GAN: variants seen among roughly 807,000 people sequenced by gnomAD.
GAN encodes gigaxonin.
GAN carries 48 observed loss-of-function variants against 71.3 expected under a neutral mutation model. The observed-to-expected ratio is 0.67, with a 90% CI of 0.53 to 0.86. GAN has a LOEUF of 0.86. GAN is among the 40% of genes least tolerant of loss of function. The probability of loss-of-function intolerance (pLI) is 0.00; values close to 1 mark genes in which losing one functional copy is unlikely to be tolerated. For missense variants in GAN, 928 were observed against 770.1 expected (o/e 1.21, Z -2.43); for synonymous variants, 386 against 276.8 (o/e 1.39, Z -3.92).
rs142893233 is a variant in GAN at position 81,356,600 on chromosome 16, A to C, written c.634-185A>C. On this transcript the variant is annotated intron_variant, in intron 3 of 10. Transcript: ENST00000648994. Reference sequence around the variant, plus strand: ...TTAAAAATTAAACTTTTACTTATCAAGACTCTGGGAAGTAGACAGTTAGGG... The same window carrying C: ...TTAAAAATTAAACTTTTACTTATCACGACTCTGGGAAGTAGACAGTTAGGG... Among the ~76,000 whole-genome samples the C allele has an allele frequency of 2.0e-5, 3 of 152,338 alleles. No homozygotes were observed. In the East Asian group the frequency reaches 5.8e-4, roughly 29 times the overall value.
Position 81,377,242 on chromosome 16 carries a change from A to G in GAN, c.1526A>G (p.Asn509Ser), listed in dbSNP as rs1904284533. 3 of 1,610,266 alleles carry G rather than the reference A, an allele frequency of 1.9e-6. No homozygotes were observed. Among genetic ancestry groups the G allele is most frequent in the East Asian group, 4.5e-5 (2 of 44,854 alleles). Residue 509 changes from asparagine (N) to serine (S), a missense_variant, in exon 10 of 11, where the codon AAT becomes AGT. By Grantham distance (46) the Asn-to-Ser change is conservative. Transcript: ENST00000648994. Reference protein sequence around the residue: ...FKRWIYLNDQNLCIPASSSFV... With the variant: ...FKRWIYLNDQSLCIPASSSFV... ...AGGTGGATCTATCTTAACGACCAGAATTTATGCATCCCCGCCAGTTCCTCT... is the reference window on the plus strand; with the variant it reads ...AGGTGGATCTATCTTAACGACCAGAGTTTATGCATCCCCGCCAGTTCCTCT...
rs1042421435 is a variant in GAN, at chr16:81,384,347, G to A, written c.*6751G>A. ...GAAAAAAAAGCACTTACAACCAGGA[G>A]GAATAATAATTCTCCTAGAGTTGCT... On this transcript the variant is annotated 3_prime_UTR_variant, in exon 11 of 11. Coordinates refer to ENST00000648994, the MANE Select transcript of GAN (RefSeq NM_022041.4). 2.0e-5 allele frequency: 3 copies of A among 151,050 alleles called. No homozygotes were observed. The highest frequency in any genetic ancestry group is 7.3e-5 in the African/African-American group (3 of 41,162). 9.4% of individuals were successfully genotyped at this position (151,050 alleles called of 1,614,324 possible).
intron 2 of GAN, among the ~76,000 whole-genome samples, chr16:81,351,932 A>G (rs1304052014): frequency 6.6e-6 from 1 of 152,148 alleles, no homozygotes; most frequent in Non-Finnish European, 1.5e-5. Context: ...GTTTGTTGCT[A>G]CCATTCTGAG....
rs547181243 is a variant in GAN, at chr16:81,352,697, T to TTTTGG, written c.282+1005_282+1009dup. ...CAGTGATTCTCATCCTTTTTGAAGGTTTTGGTTTGATTTCATGCTTTCTCT... is the reference window on the plus strand; with the variant it reads ...CAGTGATTCTCATCCTTTTTGAAGGTTTTGGTTTGGTTTGATTTCATGCTTTCTCT... On this transcript the variant is annotated intron_variant, in intron 2 of 10. Coordinates refer to ENST00000648994, the MANE Select transcript of GAN (RefSeq NM_022041.4). Among the ~76,000 whole-genome samples, 151 of 152,268 alleles carry TTTTGG rather than the reference T, an allele frequency of 9.9e-4. 1 individual carries two copies. Among genetic ancestry groups the TTTTGG allele is most frequent in the Non-Finnish European group, 1.5e-3 (104 of 68,014 alleles).
rs1219739275 is a variant in GAN, at chr16:81,382,935, A to T, written c.*5339A>T. On this transcript the variant is annotated 3_prime_UTR_variant, in exon 11 of 11. Transcript: ENST00000648994. ...TCATACTTCCAGATGGTTTGGTCTA[A>T]TGTATACAGTTTAGGAAAGTTTATT... 6.6e-6 allele frequency: 1 copy of T among 152,002 alleles called. No individual in the cohort carries two copies. The highest frequency in any genetic ancestry group is 1.9e-4 in the East Asian group (1 of 5,200). The allele number at this position is 152,002 out of a possible 1,614,324, so 9.4% of individuals were successfully genotyped here. A position where few individuals can be genotyped will look rare whatever the true frequency, so the allele number is the denominator to read the frequency against.
intron 1 of GAN, among the ~76,000 whole-genome samples, chr16:81,317,854 A>G (rs1342378007): frequency 2.0e-5 from 3 of 152,154 alleles, no homozygotes; most frequent in African/African-American, 7.2e-5. Flanking sequence ...TCATCTTTAA[A>G]GAGAAGGCAG....
At chr16:81,342,260 A>G (rs894651308) in intron 1 of GAN, among the ~76,000 whole-genome samples, 1 of 152,208 alleles carries the variant, frequency 6.6e-6, no homozygotes, top group Admixed American at 6.5e-5. Flanking sequence ...CAGAACTTGA[A>G]CTCAGCTCTG....
At position 81,390,180 on chromosome 16, in the gene GAN, T is replaced by C. The variant is rs901557427; in HGVS notation, c.*12584T>C. The C allele has an allele frequency of 3.9e-4, 60 of 152,150 alleles. No individual in the cohort carries two copies. Among genetic ancestry groups the C allele is most frequent in the African/African-American group, 1.4e-3 (57 of 41,440 alleles). The allele number at this position is 152,150 out of a possible 1,614,324, so 9.4% of individuals were successfully genotyped here. A position where few individuals can be genotyped will look rare whatever the true frequency, so the allele number is the denominator to read the frequency against. The stretch of plus-strand genomic sequence containing the variant: ...AGGCAGGTTTAGAAAGTTCAAAATA[T>C]TGGAAGTGCTAGAAGGCTGCAACTT... On this transcript the variant is annotated 3_prime_UTR_variant, in exon 11 of 11. Coordinates refer to ENST00000648994, the MANE Select transcript of GAN (RefSeq NM_022041.4).
intron 6 of GAN, among the ~76,000 whole-genome samples, chr16:81,362,975 G>A (rs1458163287): frequency 6.6e-6 from 1 of 152,176 alleles, no homozygotes; most frequent in Admixed American, 6.5e-5. Context: ...CACGGACCAG[G>A]CATTTAAAGT....
chr16:81,342,481 T>G (rs893544414), intron 1 of GAN, among the ~76,000 whole-genome samples: 4 of 152,192 alleles, frequency 2.6e-5, no homozygotes, highest in Non-Finnish European at 5.9e-5. Context: ...AGACTCTCAC[T>G]CAAAACCGCA....
intron 1 of GAN, among the ~76,000 whole-genome samples, chr16:81,318,195 A>G (rs975952559): frequency 1.3e-5 from 2 of 152,202 alleles, no homozygotes; most frequent in Non-Finnish European, 2.9e-5. Flanking sequence ...GATGTTTCTT[A>G]TCTTTCCCTT....
At chr16:81,318,315 G>A (rs1418504228) in intron 1 of GAN, among the ~76,000 whole-genome samples, 1 of 152,138 alleles carries the variant, frequency 6.6e-6, no homozygotes, top group Non-Finnish European at 1.5e-5. Flanking sequence ...TAATGTCTGT[G>A]TTTGGCCTAG....
rs1312377846 is a variant in GAN at position 81,387,231 on chromosome 16, GT to G, written c.*9637del. The G allele has an allele frequency of 2.0e-5, 3 of 152,180 alleles. No homozygotes were observed. The highest frequency in any genetic ancestry group is 4.8e-5 in the African/African-American group (2 of 41,456). 9.4% of individuals were successfully genotyped at this position (152,180 alleles called of 1,614,324 possible). A position where few individuals can be genotyped will look rare whatever the true frequency, so the allele number is the denominator to read the frequency against. ...CTTACGTCTCGGTTCAAGAAAGCAC[GT>G]TGCTATATGAAATTTCAGAAAAAAG... On this transcript the variant is annotated 3_prime_UTR_variant, in exon 11 of 11. Transcript: ENST00000648994.
At chr16:81,350,467 C>T (rs529429157) in intron 1 of GAN, among the ~76,000 whole-genome samples, 15 of 152,128 alleles carry the variant, frequency 9.9e-5, no homozygotes, top group Admixed American at 9.8e-4. Flanking sequence ...ATTCTACTCC[C>T]AGGAGTAGAC....
Position 81,388,315 on chromosome 16 carries a change from G to C in GAN, c.*10719G>C, listed in dbSNP as rs970704487. 1 of 152,316 alleles carries C rather than the reference G, an allele frequency of 6.6e-6. No individual in the cohort carries two copies. The highest frequency in any genetic ancestry group is 2.4e-5 in the African/African-American group (1 of 41,434). The allele number at this position is 152,316 out of a possible 1,614,324, so 9.4% of individuals were successfully genotyped here. On this transcript the variant is annotated 3_prime_UTR_variant, in exon 11 of 11. Coordinates refer to ENST00000648994, the MANE Select transcript of GAN (RefSeq NM_022041.4). ...GGGGGCGAGGAGAATAGCCCTTCTG[G>C]TTCTTCAGACCACATAATGGCCAGA...
intron 1 of GAN, among the ~76,000 whole-genome samples, chr16:81,350,022 A>G (rs190865913): frequency 2.6e-5 from 4 of 152,340 alleles, no homozygotes; most frequent in African/African-American, 7.2e-5. Flanking sequence ...TCTTAAAACA[A>G]AAAGCATTGA....
chr16:81,356,711 G>GA lies in GAN; in HGVS notation c.634-70dup, dbSNP rs1468900342. On this transcript the variant is annotated intron_variant, in intron 3 of 10. Coordinates refer to ENST00000648994, the MANE Select transcript of GAN (RefSeq NM_022041.4). ...TTAACAGTTTGTTTTCCATGAGGTG[G>GA]AAAATGTAGATTCTAAAAATGATGT... The GA allele has an allele frequency of 8.5e-6, 9 of 1,062,630 alleles. No homozygotes were observed. In the East Asian group the frequency reaches 2.1e-4, roughly 25 times the overall value. The allele number at this position is 1,062,630 out of a possible 1,614,324, so 65.8% of individuals were successfully genotyped here. A position where few individuals can be genotyped will look rare whatever the true frequency, so the allele number is the denominator to read the frequency against.
At chr16:81,367,790 A>T (rs1176499194) in intron 9 of GAN, among the ~76,000 whole-genome samples, 1 of 152,240 alleles carries the variant, frequency 6.6e-6, no homozygotes, top group African/African-American at 2.4e-5. Flanking sequence ...GTGTGCCCAC[A>T]GACACACAAG....
Position 81,390,278 on chromosome 16 carries a change from G to A in GAN, c.*12682G>A, listed in dbSNP as rs889582806. ...TAAGTTGATTTCATTGAAATGTCACGTCTCACATCCTGTGGTCCAAAGGTA... is the reference window on the plus strand; with the variant it reads ...TAAGTTGATTTCATTGAAATGTCACATCTCACATCCTGTGGTCCAAAGGTA... On this transcript the variant is annotated 3_prime_UTR_variant, in exon 11 of 11. Coordinates refer to ENST00000648994, the MANE Select transcript of GAN (RefSeq NM_022041.4). The A allele has an allele frequency of 1.3e-5, 2 of 152,190 alleles. No individual in the cohort carries two copies. Among genetic ancestry groups the A allele is most frequent in the Non-Finnish European group, 1.5e-5 (1 of 68,038 alleles). The allele number at this position is 152,190 out of a possible 1,614,324, so 9.4% of individuals were successfully genotyped here.
Sources: gnomAD v4.1 joint callset for allele counts (sites outside exome capture counted in the v4.1 genomes callset) on GRCh38, gnomAD v4.1.1 for gene constraint, MANE v1.5 for transcripts, NCBI Gene and HGNC (gene_info 2026-07-23, HGNC 2026-07-21) for gene names.